Variants in MYCBP2 observed in about 807,000 individuals in gnomAD.
MYCBP2 encodes MYC binding protein 2.
In MYCBP2, 120 loss-of-function variants were observed where a neutral mutation model predicts 525.3. The ratio of observed to expected loss-of-function variants is 0.23; its 90% confidence interval spans 0.20 to 0.27. The LOEUF is 0.27. MYCBP2 is among the 10% of genes least tolerant of loss of function. MYCBP2 has a pLI of 1.00. For synonymous variants in MYCBP2, 1,894 were observed against 1,955.8 expected, an observed-to-expected ratio of 0.97 and a Z score of 0.83; for missense variants, 4,149 against 5,657.1, an observed-to-expected ratio of 0.73 and a Z score of 8.55.
intron 46 of MYCBP2, among the ~76,000 whole-genome samples, chr13:77,153,064 CAAAAAAAAAAAA>C (rs34811244): frequency 2.5e-5 from 2 of 78,924 alleles, no homozygotes; most frequent in Non-Finnish European, 5.1e-5. Flanking sequence ...GACTCTGTCT[CAAAAAAAAAAAA>C]AAAAAAAAAA....
In MYCBP2 at chr13:77,171,512, T is replaced by C. The variant is rs2059141794; in HGVS notation, c.5774A>G (p.His1925Arg). ...TVVRASKDLL[H>R]RALAVDADDI... ...ATTACCATCCACAGCAAGAGCTCTG[T>C]GCAGGAGGTCCTTAGAGGCTCGAAC... The change falls in exon 38 of 83, where the codon CAC (histidine) becomes CGC (arginine). Residue 1925 changes from histidine (H) to arginine (R), a missense_variant. Coordinates refer to ENST00000544440, the MANE Select transcript of MYCBP2 (RefSeq NM_015057.5). 6.2e-7 allele frequency: 1 copy of C among 1,614,006 alleles called. No individual in the cohort carries two copies. Among genetic ancestry groups the C allele is most frequent in the Non-Finnish European group, 8.5e-7 (1 of 1,179,990 alleles).
At chr13:77,114,583 A>AT (rs1267201690) in intron 55 of MYCBP2, among the ~76,000 whole-genome samples, 2 of 151,832 alleles carry the variant, frequency 1.3e-5, no homozygotes, top group African/African-American at 2.4e-5. Context: ...GTCACATTTA[A>AT]TTTTTTTTGT....
chr13:77,294,133 T>TAC (rs1555465857), intron 2 of MYCBP2, among the ~76,000 whole-genome samples: 4 of 127,266 alleles, frequency 3.1e-5, no homozygotes, highest in Admixed American at 1.6e-4. Flanking sequence ...TATATATACA[T>TAC]ATATATATAC....
At chr13:77,090,521 C>A in intron 59 of MYCBP2, 1 of 258,770 alleles carries the variant, frequency 3.9e-6, no homozygotes, top group Non-Finnish European at 7.2e-6. Context: ...AGAAAGGTTT[C>A]CAAGCTCCTT....
intron 55 of MYCBP2, among the ~76,000 whole-genome samples, chr13:77,108,207 G>A (rs1160395558): frequency 6.6e-6 from 1 of 150,854 alleles, no homozygotes; most frequent in Non-Finnish European, 1.5e-5. Context: ...AAAATATACT[G>A]TTTCTCTAAA....
intron 32 of MYCBP2, among the ~76,000 whole-genome samples, chr13:77,182,772 G>T (rs971648162): frequency 6.6e-6 from 1 of 152,184 alleles, no homozygotes; most frequent in African/African-American, 2.4e-5. Flanking sequence ...AGGAGGGCGG[G>T]GAGGCCTAGG....
intron 54 of MYCBP2, among the ~76,000 whole-genome samples, chr13:77,122,689 C>CAAAAA (rs771487864): frequency 1.9e-5 from 1 of 52,390 alleles, no homozygotes; most frequent in African/African-American, 5.8e-5. Flanking sequence ...GACTCCATCT[C>CAAAAA]AAAAAAAAAA....
At position 77,259,863 on chromosome 13, in the gene MYCBP2, T is replaced by C. The variant is rs2072950267; in HGVS notation, c.2017+565A>G. 2.0e-5 allele frequency among the ~76,000 whole-genome samples: 3 copies of C among 152,216 alleles called. No homozygotes were observed. The South Asian group carries it at 6.2e-4, about 32-fold the overall frequency. The stretch of plus-strand genomic sequence containing the variant: ...TCTAGTAACCAAATATGACAAGTTT[T>C]TGAGATTAGCATTTATAAATATAAA... On this transcript the variant is annotated intron_variant, in intron 13 of 82. Transcript: ENST00000544440.
chr13:77,192,412 T>G (rs1185934721), intron 27 of MYCBP2, among the ~76,000 whole-genome samples: 1 of 152,120 alleles, frequency 6.6e-6, no homozygotes, highest in African/African-American at 2.4e-5. Flanking sequence ...TATACAAACA[T>G]TATTAATTTA....
At chr13:77,162,523 C>G (rs946257625) in intron 43 of MYCBP2, among the ~76,000 whole-genome samples, 2 of 152,122 alleles carry the variant, frequency 1.3e-5, no homozygotes, top group African/African-American at 4.8e-5. Context: ...GAGTGTAGAA[C>G]AAAAAATTCT....
chr13:77,296,400 A>G (rs1567189129), intron 2 of MYCBP2, among the ~76,000 whole-genome samples, 199 bp downstream of exon 2: 1 of 149,880 alleles, frequency 6.7e-6, no homozygotes, highest in Admixed American at 6.7e-5. Flanking sequence ...TTCAAAAAAG[A>G]AAAAAAAAAG....
At chr13:77,049,284 G>A (rs1322376705) in intron 82 of MYCBP2, among the ~76,000 whole-genome samples, 1 of 151,640 alleles carries the variant, frequency 6.6e-6, no homozygotes, top group African/African-American at 2.4e-5. Context: ...TTCAAAGCCT[G>A]CTACTTCTAT....
At chr13:77,076,662 C>A in intron 68 of MYCBP2, 89 bp downstream of exon 68, 1 of 714,586 alleles carries the variant, frequency 1.4e-6, no homozygotes, top group Non-Finnish European at 2.3e-6. Context: ...TATTACATAT[C>A]CATCAAAATA....
chr13:77,296,713 T>C (rs1242321996), intron 1 of MYCBP2, 39 bp from the exon 2 acceptor site: 3 of 1,256,988 alleles, frequency 2.4e-6, no homozygotes, highest in Non-Finnish European at 3.3e-6. Flanking sequence ...AATATGAATG[T>C]TCATATTAGG....
intron 52 of MYCBP2, among the ~76,000 whole-genome samples, chr13:77,135,401 G>A (rs1182612987): frequency 6.6e-6 from 1 of 152,182 alleles, no homozygotes; most frequent in Non-Finnish European, 1.5e-5. Context: ...ATTTAGGTGT[G>A]TTATTTCCTT....
chr13:77,190,299 A>G lies in MYCBP2; in HGVS notation c.4107T>C (p.Asn1369=). The change falls in exon 29 of 83, where the codon AAT becomes AAC. Residue 1369 remains asparagine (N), a synonymous_variant. Transcript: ENST00000544440. ...VFQFKSSKKS[N]NGTDVNAGQI... is the part of the protein sequence containing the mutation. ...GACCCGCATTAACATCTGTACCATT[A>G]TTTGATTTCTTTGAACTCTTGAACT... The G allele has an allele frequency of 6.2e-7, 1 of 1,610,504 alleles. No individual in the cohort carries two copies. Among genetic ancestry groups the G allele is most frequent in the Non-Finnish European group, 8.5e-7 (1 of 1,177,646 alleles).
intron 32 of MYCBP2, 111 bp from the exon 33 acceptor site, chr13:77,182,033 T>G (rs1430347521): frequency 4.2e-6 from 3 of 711,250 alleles, no homozygotes; most frequent in African/African-American, 3.6e-5. Flanking sequence ...CAAAATTTTC[T>G]GTCACTCTGT....
At chr13:77,173,408 GC>G (rs1235064638) in intron 37 of MYCBP2, among the ~76,000 whole-genome samples, 1 of 152,178 alleles carries the variant, frequency 6.6e-6, no homozygotes, top group African/African-American at 2.4e-5. Flanking sequence ...GTAACAGAAA[GC>G]TTTTCTTGAC....
chr13:77,062,490 A>G (rs2039476050), intron 74 of MYCBP2, 106 bp downstream of exon 74: 1 of 909,858 alleles, frequency 1.1e-6, no homozygotes, highest in Admixed American at 2.2e-5. Flanking sequence ...GAGATCCACT[A>G]ACTGTTTATG....
Sources: gnomAD v4.1 joint callset for allele counts (sites outside exome capture counted in the v4.1 genomes callset) on GRCh38, gnomAD v4.1.1 for gene constraint, MANE v1.5 for transcripts, NCBI Gene and HGNC (gene_info 2026-07-23, HGNC 2026-07-21) for gene names.